SCAND3: variants seen among roughly 807,000 people sequenced by gnomAD.
The protein encoded by SCAND3 is SCAN domain containing 3, also known as SCAN domain-containing protein 3.
chr6:28,572,627 T>A, the SCAND3 span: 2 of 1,614,032 alleles, frequency 1.2e-6, no homozygotes, highest in South Asian at 1.1e-5. This position sits in a 1 kb window ranked among gnomAD's most constrained non-coding sequence, Gnocchi z 4.1. Flanking sequence ...TGGGACCACA[T>A]GGGTTTCTTG....
At chr6:28,611,872 G>A in the SCAND3 span, among the ~76,000 whole-genome samples, 1 of 152,166 alleles carries the variant, frequency 6.6e-6, no homozygotes, top group Non-Finnish European at 1.5e-5. Flanking sequence ...ACATAACACA[G>A]GCTATAATTT....
At chr6:28,577,635 C>T in the SCAND3 span, among the ~76,000 whole-genome samples, 2 of 152,104 alleles carry the variant, frequency 1.3e-5, no homozygotes, top group South Asian at 2.1e-4. Flanking sequence ...TTTCAGAAAC[C>T]CATACCTCCA....
the SCAND3 span, among the ~76,000 whole-genome samples, chr6:28,608,939 G>A: frequency 1.3e-5 from 2 of 151,972 alleles, no homozygotes; most frequent in East Asian, 3.9e-4. Flanking sequence ...ACTGCAGTGA[G>A]CTGTGATTGT....
the SCAND3 span, chr6:28,579,333 A>C: frequency 6.2e-7 from 1 of 1,614,026 alleles, no homozygotes; most frequent in Non-Finnish European, 8.5e-7. This position sits in a 1 kb window ranked among gnomAD's most constrained non-coding sequence, Gnocchi z 4.5. Context: ...CCATAGACTG[A>C]AGCTGGGTGC....
chr6:28,586,508 C>G, the SCAND3 span: 1 of 1,614,270 alleles, frequency 6.2e-7, no homozygotes, highest in Non-Finnish European at 8.5e-7. The surrounding 1 kb of genome is among the most constrained non-coding windows in gnomAD (Gnocchi z 4.4). Flanking sequence ...GCAGTTGACT[C>G]AGAGCCTCCC....
chr6:28,613,937 C>T, the SCAND3 span, among the ~76,000 whole-genome samples: 4 of 151,814 alleles, frequency 2.6e-5, no homozygotes, highest in South Asian at 2.1e-4. Flanking sequence ...CTCACAGGGG[C>T]GGTTTAACAA....
chr6:28,601,811 G>A, the SCAND3 span, among the ~76,000 whole-genome samples: 193 of 152,258 alleles, frequency 1.3e-3, 6 homozygotes, highest in South Asian at 0.034. Flanking sequence ...GGATCACTGC[G>A]CCCAGGCAGA....
chr6:28,589,445 G>A, the SCAND3 span: 1 of 151,714 alleles, frequency 6.6e-6, no homozygotes, highest in Admixed American at 6.6e-5. Context: ...AATCTCGGTG[G>A]GACCTTTCAA....
chr6:28,592,785 T>C, the SCAND3 span, among the ~76,000 whole-genome samples: 1 of 152,218 alleles, frequency 6.6e-6, no homozygotes, highest in Non-Finnish European at 1.5e-5. The surrounding 1 kb of genome is among the most constrained non-coding windows in gnomAD (Gnocchi z 4.1). Flanking sequence ...TGTCGATTGA[T>C]TTTTGACAAA....
chr6:28,607,089 T>G, the SCAND3 span, among the ~76,000 whole-genome samples: 4 of 152,350 alleles, frequency 2.6e-5, no homozygotes, highest in Admixed American at 2.6e-4. Flanking sequence ...TCATTGCAAT[T>G]TACCGAATCT....
At chr6:28,581,291 T>C in the SCAND3 span, among the ~76,000 whole-genome samples, 3 of 152,122 alleles carry the variant, frequency 2.0e-5, no homozygotes, top group African/African-American at 7.2e-5. Flanking sequence ...TGAGCCAAGA[T>C]CGTGCCACTG....
the SCAND3 span, among the ~76,000 whole-genome samples, chr6:28,605,905 C>CA: frequency 4.0e-5 from 6 of 151,072 alleles, no homozygotes; most frequent in Non-Finnish European, 5.9e-5. Flanking sequence ...ATATCAATGT[C>CA]AAAAAAAATA....
At chr6:28,570,620 G>A in the SCAND3 span, 1 of 152,074 alleles carries the variant, frequency 6.6e-6, no homozygotes, top group African/African-American at 2.4e-5. Context: ...ATTACCAAAA[G>A]GTTAAATTAT....
chr6:28,575,253 G>T, the SCAND3 span: 2 of 1,613,992 alleles, frequency 1.2e-6, no homozygotes, highest in Non-Finnish European at 1.7e-6. This position sits in a 1 kb window ranked among gnomAD's most constrained non-coding sequence, Gnocchi z 4.2. Context: ...GCATCCAGGA[G>T]AAAATCCTCT....
the SCAND3 span, among the ~76,000 whole-genome samples, chr6:28,604,615 CAA>C: frequency 0.014 from 1,692 of 124,414 alleles, 19 homozygotes; most frequent in African/African-American, 0.039. Flanking sequence ...GACTCTGTCT[CAA>C]AAAAAAAAAA....
the SCAND3 span, among the ~76,000 whole-genome samples, chr6:28,613,282 C>T: frequency 6.6e-6 from 1 of 152,158 alleles, no homozygotes; most frequent in Non-Finnish European, 1.5e-5. Flanking sequence ...GCACACTGTT[C>T]AGAGAGGTGG....
At chr6:28,586,754 G>T in the SCAND3 span, 1 of 1,571,812 alleles carries the variant, frequency 6.4e-7, no homozygotes, top group Non-Finnish European at 8.6e-7. The surrounding 1 kb of genome is among the most constrained non-coding windows in gnomAD (Gnocchi z 4.4). Flanking sequence ...GTTCTCTCCA[G>T]TTGGGGTCTA....
chr6:28,600,367 T>C, the SCAND3 span, among the ~76,000 whole-genome samples: 1 of 152,188 alleles, frequency 6.6e-6, no homozygotes, highest in Non-Finnish European at 1.5e-5. Flanking sequence ...GAGTGGTGGC[T>C]CATGCCTGTA....
chr6:28,601,095 T>TG, the SCAND3 span, among the ~76,000 whole-genome samples: 1 of 152,084 alleles, frequency 6.6e-6, no homozygotes, highest in South Asian at 2.1e-4. Context: ...TTAGTAGACA[T>TG]GGGGTTTCAC....
Sources: gnomAD v4.1 joint callset for allele counts (sites outside exome capture counted in the v4.1 genomes callset) on GRCh38, gnomAD v4.1.1 for gene constraint, Gnocchi (gnomAD v3.1) non-coding constraint, MANE v1.5 for transcripts, NCBI Gene and HGNC (gene_info 2026-07-23, HGNC 2026-07-21) for gene names.